Variants in CCDC102B observed in about 807,000 individuals in gnomAD.
CCDC102B encodes coiled-coil domain-containing protein 102B.
A neutral mutation model predicts 57.4 loss-of-function variants in CCDC102B; 75 were observed. The observed-to-expected ratio is 1.31, with a 90% CI of 1.08 to 1.58. CCDC102B has a LOEUF of 1.58. Among genes scored for constraint, CCDC102B ranks in the 40% most tolerant of loss-of-function variants. CCDC102B has a pLI of 0.00. For synonymous variants in CCDC102B, 206 were observed against 201.9 expected (o/e 1.02, Z -0.17); for missense variants, 636 against 582.6 (o/e 1.09, Z -0.94).
At chr18:68,726,608 A>AT (rs1204847921) in intron 2 of CCDC102B, among the ~76,000 whole-genome samples, 6 of 152,170 alleles carry the variant, frequency 3.9e-5, no homozygotes, top group Admixed American at 6.5e-5. Flanking sequence ...GACCTGGCTA[A>AT]TTTTTTTGCA....
intron 6 of CCDC102B, among the ~76,000 whole-genome samples, chr18:68,923,529 G>A (rs1024198159): frequency 1.2e-4 from 18 of 151,894 alleles, no homozygotes; most frequent in African/African-American, 4.4e-4. Context: ...GTGTGAATAT[G>A]ACATCATAAA....
chr18:68,813,130 G>A lies in CCDC102B; in HGVS notation c.-16+14949G>A, dbSNP rs191428671. ...CCCCTTGCTGTTCTTGTGATAGAGT[G>A]TAGAGTTCTCAAGTGATCTGCTTGT... On this transcript the variant is annotated intron_variant, in intron 1 of 7. Coordinates refer to ENST00000360242, the MANE Select transcript of CCDC102B (RefSeq NM_024781.3). Among the ~76,000 whole-genome samples the A allele has an allele frequency of 1.2e-4, 19 of 152,206 alleles. No individual in the cohort carries two copies. The East Asian group carries it at 3.7e-3, about 29-fold the overall frequency.
chr18:68,751,194 G>A (rs1206211573), intron 2 of CCDC102B, among the ~76,000 whole-genome samples: 2 of 152,080 alleles, frequency 1.3e-5, no homozygotes, highest in African/African-American at 4.8e-5. Flanking sequence ...GTGAATACTG[G>A]ATTAGTTAAT....
chr18:69,003,963 T>C (rs2051273589), intron 6 of CCDC102B, among the ~76,000 whole-genome samples: 1 of 152,204 alleles, frequency 6.6e-6, no homozygotes, highest in Admixed American at 6.5e-5. Flanking sequence ...ATTTTCAATC[T>C]TTTAGGCTTC....
At chr18:68,761,232 A>G (rs1003283785) in intron 2 of CCDC102B, among the ~76,000 whole-genome samples, 2 of 152,086 alleles carry the variant, frequency 1.3e-5, no homozygotes, top group Non-Finnish European at 2.9e-5. Flanking sequence ...GATATGTATT[A>G]TTTTTATTTT....
At chr18:68,909,374 C>T (rs1193815848) in intron 6 of CCDC102B, among the ~76,000 whole-genome samples, 1 of 152,028 alleles carries the variant, frequency 6.6e-6, no homozygotes, top group Non-Finnish European at 1.5e-5. Flanking sequence ...CCCAAATGAC[C>T]TATGTTAAAG....
rs72947596 is a variant in CCDC102B, at chr18:68,846,142, A to G, written c.828-171A>G. Among the ~76,000 whole-genome samples the G allele has an allele frequency of 9.6e-3, 1,463 of 151,984 alleles. 17 individuals carry two copies. The highest frequency in any genetic ancestry group is 0.014 in the South Asian group (69 of 4,832). ...AATTGTCAGAATAATAAACTAAAAT[A>G]CTTTTATTCAATATTTATAATTTTT... On this transcript the variant is annotated intron_variant, in intron 3 of 7. Transcript: ENST00000360242.
At chr18:68,803,753 G>C (rs574858289) in intron 1 of CCDC102B, among the ~76,000 whole-genome samples, 1 of 143,334 alleles carries the variant, frequency 7.0e-6, no homozygotes, top group South Asian at 2.1e-4. Context: ...CAATTACATG[G>C]TCACCAACCT....
rs2037617701 is a variant in CCDC102B at position 68,841,271 on chromosome 18, C to T, written c.827+2345C>T. Among the ~76,000 whole-genome samples, 4 of 152,130 alleles carry T rather than the reference C, an allele frequency of 2.6e-5. 1 individual carries two copies. The highest frequency in any genetic ancestry group is 2.6e-4 in the Admixed American group (4 of 15,268). ...GGGAAAATTCTCTTCTTGACTAGTG[C>T]ACAGAAATCAACTCAGAAAACTCAG... On this transcript the variant is annotated intron_variant, in intron 3 of 7. Coordinates refer to ENST00000360242, the MANE Select transcript of CCDC102B (RefSeq NM_024781.3).
At chr18:68,920,579 C>T (rs960496871) in intron 6 of CCDC102B, among the ~76,000 whole-genome samples, 18 of 152,064 alleles carry the variant, frequency 1.2e-4, no homozygotes, top group African/African-American at 4.3e-4. Flanking sequence ...AGGCACTTCT[C>T]ACACTGCTAT....
chr18:68,792,363 C>T (rs1367117699), intron 2 of CCDC102B, among the ~76,000 whole-genome samples: 1 of 151,994 alleles, frequency 6.6e-6, no homozygotes, highest in Non-Finnish European at 1.5e-5. Flanking sequence ...TAGTGGATGC[C>T]AAAACAAGAC....
chr18:69,054,324 A>G lies in CCDC102B; in HGVS notation c.*187A>G, dbSNP rs2052778931. On this transcript the variant is annotated 3_prime_UTR_variant, in exon 8 of 8. Coordinates refer to ENST00000360242, the MANE Select transcript of CCDC102B (RefSeq NM_024781.3). ...GCCTAACAGATACTGCATATTCTCA[A>G]AAAGACAATTTAAATGTCATTTAAA... 8.0e-7 allele frequency: 1 copy of G among 1,248,406 alleles called. No homozygotes were observed. Among genetic ancestry groups the G allele is most frequent in the Non-Finnish European group, 1.0e-6 (1 of 997,556 alleles). 77.3% of individuals were successfully genotyped at this position (1,248,406 alleles called of 1,614,324 possible).
intron 6 of CCDC102B, among the ~76,000 whole-genome samples, chr18:68,987,300 G>C (rs2050749147): frequency 6.6e-6 from 1 of 152,076 alleles, no homozygotes; most frequent in Non-Finnish European, 1.5e-5. Context: ...CGACAAAGCT[G>C]ACTAAAACAA....
At chr18:69,028,698 A>G (rs1235797455) in intron 7 of CCDC102B, among the ~76,000 whole-genome samples, 2 of 152,118 alleles carry the variant, frequency 1.3e-5, no homozygotes, top group East Asian at 1.9e-4. Flanking sequence ...ATTTAGGTAT[A>G]TAATAAAGGG....
chr18:69,000,130 G>A (rs1234007213), intron 6 of CCDC102B, among the ~76,000 whole-genome samples: 1 of 151,994 alleles, frequency 6.6e-6, no homozygotes, highest in Non-Finnish European at 1.5e-5. Flanking sequence ...AAGCATAAGA[G>A]GATAGTTTAT....
At chr18:68,754,929 AG>A (rs1352157034) in intron 2 of CCDC102B, 3 of 152,446 alleles carry the variant, frequency 2.0e-5, no homozygotes, top group Non-Finnish European at 4.4e-5. Flanking sequence ...AGCCCTTAAC[AG>A]ACACTGACTC....
intron 6 of CCDC102B, among the ~76,000 whole-genome samples, chr18:68,984,807 A>G (rs2050683827): frequency 6.6e-6 from 1 of 152,174 alleles, no homozygotes; most frequent in African/African-American, 2.4e-5. Context: ...ATTAAAATGT[A>G]TCATATTTCC....
Position 68,863,950 on chromosome 18 carries a change from G to T in CCDC102B, c.937-10719G>T, listed in dbSNP as rs551969055. Among the ~76,000 whole-genome samples the T allele has an allele frequency of 7.9e-5, 12 of 152,018 alleles. 1 individual carries two copies. In the South Asian group the frequency reaches 2.5e-3, roughly 32 times the overall value. ...GATATACTGGAATCATCCTGTTTCAGACCTGGGTAAATCAATTTCTTTAGA... is the reference window on the plus strand; with the variant it reads ...GATATACTGGAATCATCCTGTTTCATACCTGGGTAAATCAATTTCTTTAGA... On this transcript the variant is annotated intron_variant, in intron 4 of 7. Transcript: ENST00000360242.
chr18:68,877,455 C>A (rs1282100146), intron 5 of CCDC102B, among the ~76,000 whole-genome samples: 1 of 152,160 alleles, frequency 6.6e-6, no homozygotes, highest in Non-Finnish European at 1.5e-5. Context: ...TTGAACTTTT[C>A]CTGTAAGTTG....
Sources: allele counts gnomAD v4.1 joint callset (sites outside exome capture counted in the v4.1 genomes callset), GRCh38; gene constraint gnomAD v4.1.1; transcripts MANE v1.5; gene names NCBI Gene and HGNC (gene_info 2026-07-23, HGNC 2026-07-21).